The following CSMD1 variants were observed in gnomAD, a reference collection of about 807,000 sequenced individuals.
CSMD1 encodes CUB and Sushi multiple domains 1.
A neutral mutation model predicts 417.5 loss-of-function variants in CSMD1; 213 were observed. The ratio of observed to expected loss-of-function variants is 0.51; its 90% CI spans 0.46 to 0.57. CSMD1 has a LOEUF of 0.57. Among genes scored for constraint, CSMD1 ranks in the 20% least tolerant of loss-of-function variants. The pLI, the probability that CSMD1 is intolerant of heterozygous loss-of-function variation, is 0.00. For synonymous variants in CSMD1, 2,862 were observed against 1,736.8 expected (o/e 1.65, Z -16.11); for missense variants, 6,923 against 4,529.7 (o/e 1.53, Z -15.17).
In CSMD1 at chr8:4,141,017, C is replaced by G. The variant is rs926427756; in HGVS notation, c.416-108918G>C. On this transcript the variant is annotated intron_variant, in intron 3 of 69. Transcript: ENST00000635120. ...GGCAGACAGAAAGACAGGTAATATT[C>G]CTTACAAACATTGCCGTTTCATCTA... Among the ~76,000 whole-genome samples the G allele has an allele frequency of 2.2e-4, 34 of 151,190 alleles. 3 individuals are homozygous for G. The highest frequency in any genetic ancestry group is 8.4e-4 in the African/African-American group (34 of 40,498).
chr8:3,257,097 G>A (rs1383513998), intron 26 of CSMD1, among the ~76,000 whole-genome samples: 1 of 152,004 alleles, frequency 6.6e-6, no homozygotes, highest in African/African-American at 2.4e-5. Context: ...CAAGGTGGGT[G>A]GATCACTTGA....
At chr8:4,562,539 A>C (rs1355528147) in intron 2 of CSMD1, among the ~76,000 whole-genome samples, 1 of 152,242 alleles carries the variant, frequency 6.6e-6, no homozygotes, top group Non-Finnish European at 1.5e-5. Context: ...TTAGTTATTA[A>C]ATAAGTATAC....
chr8:3,523,763 A>T (rs1434166789), intron 10 of CSMD1, among the ~76,000 whole-genome samples: 1 of 151,376 alleles, frequency 6.6e-6, no homozygotes, highest in South Asian at 2.1e-4. Context: ...GCACACACAC[A>T]TGCACACACA....
At chr8:4,560,396 GC>G (rs1798276191) in intron 2 of CSMD1, among the ~76,000 whole-genome samples, 1 of 152,156 alleles carries the variant, frequency 6.6e-6, no homozygotes, top group African/African-American at 2.4e-5. Flanking sequence ...CCTAGTCCTT[GC>G]CTTTTCCTAC....
At chr8:4,272,597 G>C (rs536906426) in intron 3 of CSMD1, among the ~76,000 whole-genome samples, 16 of 152,172 alleles carry the variant, frequency 1.1e-4, no homozygotes, top group Non-Finnish European at 1.2e-4. Context: ...TTGAAGGCAG[G>C]GCTTTTATGT....
chr8:4,162,217 G>C (rs1224045334), intron 3 of CSMD1, among the ~76,000 whole-genome samples: 2 of 152,132 alleles, frequency 1.3e-5, no homozygotes, highest in Non-Finnish European at 2.9e-5. Context: ...TCTTTTAATT[G>C]TTATGTTACC....
chr8:4,305,634 G>A (rs867768784), intron 3 of CSMD1, among the ~76,000 whole-genome samples: 1 of 152,170 alleles, frequency 6.6e-6, no homozygotes, highest in South Asian at 2.1e-4. Context: ...TTTAGCTGAA[G>A]GACTCAAAAA....
At chr8:2,959,886 G>A (rs753584258) in intron 62 of CSMD1, among the ~76,000 whole-genome samples, 8 of 152,112 alleles carry the variant, frequency 5.3e-5, no homozygotes, top group Admixed American at 1.3e-4. Context: ...ATGGTGTCTG[G>A]GCTCTTTAAA....
Position 3,499,926 on chromosome 8 carries a change from T to C in CSMD1, c.1345-6200A>G, listed in dbSNP as rs114098094. 3.3e-3 allele frequency among the ~76,000 whole-genome samples: 500 copies of C among 152,036 alleles called. 2 individuals are homozygous for C. The highest frequency in any genetic ancestry group is 0.011 in the African/African-American group (463 of 41,462). ...AACAAGAGAGGAACCCGGTGTGAGT[T>C]CTCTCCCCGGAGCAAAACAGTCATG... is the stretch of plus-strand genomic sequence containing the variant. On this transcript the variant is annotated intron_variant, in intron 10 of 69. Transcript: ENST00000635120.
chr8:3,526,589 G>A (rs867679737), intron 10 of CSMD1, among the ~76,000 whole-genome samples: 2 of 152,212 alleles, frequency 1.3e-5, no homozygotes, highest in East Asian at 1.9e-4. Context: ...TTTATTCTAG[G>A]GCAATGTGTG....
chr8:4,421,133 G>A (rs1797228586), intron 2 of CSMD1, among the ~76,000 whole-genome samples: 1 of 146,888 alleles, frequency 6.8e-6, no homozygotes, highest in Admixed American at 6.8e-5. Context: ...AATGACTGAT[G>A]AATGGAAAAA....
At chr8:4,017,857 A>C (rs1050342894) in intron 4 of CSMD1, among the ~76,000 whole-genome samples, 1 of 152,154 alleles carries the variant, frequency 6.6e-6, no homozygotes, top group Admixed American at 6.5e-5. Context: ...TCTGGTGGTG[A>C]TCCATCATGG....
intron 3 of CSMD1, among the ~76,000 whole-genome samples, chr8:4,226,069 C>G (rs1485607276): frequency 3.8e-4 from 2 of 5,196 alleles, no homozygotes; most frequent in South Asian, 3.0e-3. Context: ...GACAGGCGGA[C>G]ACACACACAC....
chr8:3,948,426 C>T (rs1002651460), intron 5 of CSMD1, among the ~76,000 whole-genome samples: 12 of 152,014 alleles, frequency 7.9e-5, no homozygotes, highest in African/African-American at 2.7e-4. Flanking sequence ...AGGGGAAAGA[C>T]GTTAGGTTTT....
chr8:4,593,144 G>C (rs1035859790), intron 2 of CSMD1, among the ~76,000 whole-genome samples: 7 of 152,142 alleles, frequency 4.6e-5, no homozygotes, highest in African/African-American at 7.2e-5. Flanking sequence ...AGGATGCTGA[G>C]GTCTCAGCAT....
Position 4,486,250 on chromosome 8 carries a change from CAT to C in CSMD1, c.303-66187_303-66186del, listed in dbSNP as rs376449969. On this transcript the variant is annotated intron_variant, in intron 2 of 69. Coordinates refer to ENST00000635120, the MANE Select transcript of CSMD1 (RefSeq NM_033225.6). The stretch of plus-strand genomic sequence containing the variant: ...ACATACATATATATATATATACATA[CAT>C]ATATATATATATATATATATATATA... Among the ~76,000 whole-genome samples, 99 of 13,202 alleles carry C rather than the reference CAT, an allele frequency of 7.5e-3. 1 individual carries two copies. Among genetic ancestry groups the C allele is most frequent in the African/African-American group, 0.016 (65 of 4,036 alleles). The allele number at this position is 13,202 out of a possible 152,430, so 8.7% of individuals were successfully genotyped here.
At chr8:4,390,288 C>A (rs947026981) in intron 3 of CSMD1, among the ~76,000 whole-genome samples, 6 of 151,886 alleles carry the variant, frequency 4.0e-5, no homozygotes, top group African/African-American at 1.2e-4. Flanking sequence ...TCACGAGGAG[C>A]AATCAAGTTA....
At chr8:3,311,466 T>A (rs966403174) in intron 23 of CSMD1, among the ~76,000 whole-genome samples, 4 of 152,162 alleles carry the variant, frequency 2.6e-5, no homozygotes, top group African/African-American at 9.7e-5. Flanking sequence ...TCTAGGCTTG[T>A]CTCAAACTCC....
At chr8:4,401,060 C>T (rs1289319933) in intron 3 of CSMD1, among the ~76,000 whole-genome samples, 1 of 152,024 alleles carries the variant, frequency 6.6e-6, no homozygotes, top group African/African-American at 2.4e-5. Context: ...ATATGATATA[C>T]TTGATTTTAA....
Sources: gnomAD v4.1 joint callset for allele counts (sites outside exome capture counted in the v4.1 genomes callset) on GRCh38, gnomAD v4.1.1 for gene constraint, MANE v1.5 for transcripts, NCBI Gene and HGNC (gene_info 2026-07-23, HGNC 2026-07-21) for gene names.